Variants in PRKAG2 observed in about 807,000 individuals in gnomAD.
PRKAG2 encodes the protein protein kinase AMP-activated non-catalytic subunit gamma 2.
A neutral mutation model predicts 69.6 loss-of-function variants in PRKAG2; 26 were observed. The observed-to-expected ratio is 0.37, with a 90% CI of 0.27 to 0.52. The LOEUF (loss-of-function observed/expected upper bound fraction) is 0.52. Among genes scored for constraint, PRKAG2 ranks in the 20% least tolerant of loss-of-function variants. The probability of loss-of-function intolerance (pLI) is 0.90; values close to 1 mark genes in which losing one functional copy is unlikely to be tolerated. For missense variants in PRKAG2, 557 were observed against 740.0 expected (o/e 0.75, Z 2.87); for synonymous variants, 293 against 285.0 (o/e 1.03, Z -0.28).
In PRKAG2 at chr7:151,614,292, G is replaced by A. The variant is rs1433442567; in HGVS notation, c.754+17777C>T. ...GGAGCTCGCAGGGGACATGGGGCAG[G>A]GGCTGGCACCCCATGGCGATGGGGG... On this transcript the variant is annotated intron_variant, in intron 5 of 15. Transcript: ENST00000287878. The surrounding 1 kb of genome is among the most constrained non-coding windows in gnomAD (Gnocchi z 4.4). 6.6e-6 allele frequency among the ~76,000 whole-genome samples: 1 copy of A among 152,082 alleles called. No homozygotes were observed. The highest frequency in any genetic ancestry group is 1.5e-5 in the Non-Finnish European group (1 of 67,988).
rs189763019 is a variant in PRKAG2, at chr7:151,742,612, A to C, written c.466+38540T>G. Reference sequence around the variant, plus strand: ...GCACTCCAGCCTGTGCAACAGAGTAAGATTACATCTCACAAAAAAAAAAAA... The same window carrying C: ...GCACTCCAGCCTGTGCAACAGAGTACGATTACATCTCACAAAAAAAAAAAA... On this transcript the variant is annotated intron_variant, in intron 3 of 15. Transcript: ENST00000287878. Among the ~76,000 whole-genome samples, 616 of 152,100 alleles carry C rather than the reference A, an allele frequency of 4.0e-3. 1 individual carries two copies. The highest frequency in any genetic ancestry group is 6.6e-3 in the Non-Finnish European group (452 of 68,000).
At chr7:151,619,454 G>T (rs1377992993) in intron 5 of PRKAG2, among the ~76,000 whole-genome samples, 1 of 152,180 alleles carries the variant, frequency 6.6e-6, no homozygotes, top group Non-Finnish European at 1.5e-5. Flanking sequence ...GTTTTTCACT[G>T]TATTTATCAG....
chr7:151,848,512 C>CTTTTTTTT (rs1158559692), intron 1 of PRKAG2, among the ~76,000 whole-genome samples: 694 of 62,254 alleles, frequency 0.011, 184 homozygotes, highest in African/African-American at 0.036. Context: ...TACTGCATGT[C>CTTTTTTTT]TTTTTTTTTT....
rs1340584539 is a variant in PRKAG2 at position 151,857,731 on chromosome 7, G to A, written c.114+18776C>T. On this transcript the variant is annotated intron_variant, in intron 1 of 15. Coordinates refer to ENST00000287878, the MANE Select transcript of PRKAG2 (RefSeq NM_016203.4). ...GCTGAGGACCTGCTGGCTTGGGAGC[G>A]CTCGCTCTCTTTGTGGTCACTGTTG... is the stretch of plus-strand genomic sequence containing the variant. Among the ~76,000 whole-genome samples, 8 of 152,356 alleles carry A rather than the reference G, an allele frequency of 5.3e-5. No homozygotes were observed. In the South Asian group the frequency reaches 8.3e-4, roughly 16 times the overall value.
At chr7:151,640,077 G>A (rs1392039185) in intron 4 of PRKAG2, among the ~76,000 whole-genome samples, 1 of 152,082 alleles carries the variant, frequency 6.6e-6, no homozygotes, top group African/African-American at 2.4e-5. Flanking sequence ...TTGGGAGGAC[G>A]AGGCAGGTGG....
intron 5 of PRKAG2, among the ~76,000 whole-genome samples, chr7:151,619,858 T>TA (rs1821043933): frequency 6.6e-6 from 1 of 152,024 alleles, no homozygotes; most frequent in African/African-American, 2.4e-5. Context: ...CCATCTCTAC[T>TA]AAAAATACAA....
intron 1 of PRKAG2, among the ~76,000 whole-genome samples, chr7:151,805,760 C>A (rs1041348789): frequency 4.3e-4 from 65 of 152,208 alleles, no homozygotes; most frequent in Admixed American, 1.8e-3. Context: ...AGGGACACTA[C>A]AGATTCTTCC....
intron 6 of PRKAG2, among the ~76,000 whole-genome samples, chr7:151,591,360 C>A (rs1039231536): frequency 6.6e-6 from 1 of 152,276 alleles, no homozygotes; most frequent in Non-Finnish European, 1.5e-5. Context: ...GCCATCTTCA[C>A]ACTGCACACT....
chr7:151,672,649 C>T (rs1205249955), intron 4 of PRKAG2, among the ~76,000 whole-genome samples: 1 of 151,976 alleles, frequency 6.6e-6, no homozygotes, highest in Non-Finnish European at 1.5e-5. Context: ...TTGTGACTGG[C>T]TTATTTCACT....
chr7:151,675,837 G>C (rs1832854777), intron 3 of PRKAG2, among the ~76,000 whole-genome samples, 200 bp from the exon 4 acceptor site: 1 of 152,168 alleles, frequency 6.6e-6, no homozygotes, highest in African/African-American at 2.4e-5. Context: ...CATGGCAGAG[G>C]GAGGCTCTCA....
chr7:151,792,948 G>T (rs942891124), intron 1 of PRKAG2, among the ~76,000 whole-genome samples: 2 of 152,210 alleles, frequency 1.3e-5, no homozygotes, highest in African/African-American at 4.8e-5. Context: ...GGAGCCGGGG[G>T]CTGAGCCGGA....
intron 2 of PRKAG2, among the ~76,000 whole-genome samples, chr7:151,785,923 G>A (rs2151815177): frequency 6.6e-6 from 1 of 152,288 alleles, no homozygotes; most frequent in South Asian, 2.1e-4. Context: ...CGAGACACTA[G>A]TTTCCTAATG....
At chr7:151,717,262 A>T (rs915613315) in intron 3 of PRKAG2, among the ~76,000 whole-genome samples, 49 of 152,040 alleles carry the variant, frequency 3.2e-4, no homozygotes, top group African/African-American at 1.0e-3. Flanking sequence ...GAAAAAAAAA[A>T]AAAAAGAAGG....
intron 15 of PRKAG2, chr7:151,559,366 G>C (rs1804428347): frequency 1.0e-6 from 1 of 985,304 alleles, no homozygotes; most frequent in South Asian, 4.7e-5. Context: ...CATGATTATA[G>C]AGACTATTGT....
At chr7:151,631,617 A>G (rs779289199) in intron 5 of PRKAG2, 1 of 452,446 alleles carries the variant, frequency 2.2e-6, no homozygotes, top group Admixed American at 2.4e-5. Context: ...TTTCCCCATT[A>G]AAAAAGAAGA....
intron 1 of PRKAG2, among the ~76,000 whole-genome samples, chr7:151,799,710 C>T (rs2077734104): frequency 6.6e-6 from 1 of 152,192 alleles, no homozygotes; most frequent in Non-Finnish European, 1.5e-5. Flanking sequence ...TGCCACCGGC[C>T]AGCATCTAGC....
At chr7:151,651,876 A>G (rs6967534) in intron 4 of PRKAG2, among the ~76,000 whole-genome samples, 2,593 of 152,168 alleles carry the variant, frequency 0.017, 73 homozygotes, top group African/African-American at 0.059. Flanking sequence ...CAGCGAGTAG[A>G]ATGGAGGTTC....
chr7:151,740,264 C>T (rs1393451390), intron 3 of PRKAG2, among the ~76,000 whole-genome samples: 1 of 152,228 alleles, frequency 6.6e-6, no homozygotes, highest in Non-Finnish European at 1.5e-5. Flanking sequence ...TTCATAGCTC[C>T]CTACATCCCT....
intron 3 of PRKAG2, among the ~76,000 whole-genome samples, chr7:151,754,292 G>C (rs770948896): frequency 2.0e-5 from 3 of 152,236 alleles, no homozygotes; most frequent in African/African-American, 7.2e-5. Context: ...GGGACCACAC[G>C]GGATGCCAGG....
Sources: gnomAD v4.1 joint callset for allele counts (sites outside exome capture counted in the v4.1 genomes callset) on GRCh38, gnomAD v4.1.1 for gene constraint, Gnocchi (gnomAD v3.1) non-coding constraint, MANE v1.5 for transcripts, NCBI Gene and HGNC (gene_info 2026-07-23, HGNC 2026-07-21) for gene names.